Variants in IL7 observed in about 807,000 individuals in gnomAD.
IL7 encodes interleukin 7.
IL7 carries 3 observed loss-of-function variants against 21.6 expected under a neutral mutation model. The observed-to-expected ratio is 0.14, with a 90% CI of 0.06 to 0.36. IL7 has a LOEUF of 0.36. IL7 is among the 10% of genes least tolerant of loss of function. The pLI is 1.00. For missense variants in IL7, 175 were observed against 200.2 expected (o/e 0.87, Z 0.76); for synonymous variants, 62 against 68.1 (o/e 0.91, Z 0.44).
At chr8:78,742,605 A>G (rs1811829287) in intron 2 of IL7, among the ~76,000 whole-genome samples, 1 of 152,152 alleles carries the variant, frequency 6.6e-6, no homozygotes, top group Non-Finnish European at 1.5e-5. Context: ...TTACATACAA[A>G]TTCATTACAG....
intron 5 of IL7, chr8:78,720,976 G>C (rs1483764313): frequency 6.6e-6 from 1 of 151,832 alleles, no homozygotes; most frequent in Non-Finnish European, 1.5e-5. Context: ...TAAGTGGTTA[G>C]ATCAACTACT....
At chr8:78,735,826 G>T (rs1811574537) in intron 5 of IL7, among the ~76,000 whole-genome samples, 1 of 152,050 alleles carries the variant, frequency 6.6e-6, no homozygotes, top group Admixed American at 6.6e-5. Flanking sequence ...TATAAAAGAA[G>T]AATCCATCAC....
intron 3 of IL7, among the ~76,000 whole-genome samples, chr8:78,709,045 T>A (rs1170502665): frequency 6.6e-6 from 1 of 152,218 alleles, no homozygotes. Flanking sequence ...TTTCCCCATT[T>A]GAATTGTTCC....
chr8:78,796,968 A>G (rs951523013), intron 2 of IL7, among the ~76,000 whole-genome samples: 1 of 152,078 alleles, frequency 6.6e-6, no homozygotes, highest in African/African-American at 2.4e-5. Context: ...TAGAAGTTTT[A>G]TTCATAATTT....
At chr8:78,766,850 C>CTTT (rs1197852251) in intron 2 of IL7, among the ~76,000 whole-genome samples, 14 of 152,054 alleles carry the variant, frequency 9.2e-5, no homozygotes, top group Non-Finnish European at 1.8e-4. Flanking sequence ...GTGAGATTTG[C>CTTT]TGAATAAAAT....
chr8:78,758,106 A>G (rs539873437), intron 2 of IL7, among the ~76,000 whole-genome samples: 3 of 152,166 alleles, frequency 2.0e-5, no homozygotes, highest in Admixed American at 2.0e-4. Flanking sequence ...AGTCTCAGGT[A>G]TGTCTTTATT....
intron 3 of IL7, among the ~76,000 whole-genome samples, chr8:78,723,084 G>T (rs1811271244): frequency 1.3e-5 from 1 of 77,110 alleles, no homozygotes; most frequent in African/African-American, 4.0e-5. Flanking sequence ...TAAAAATATA[G>T]AAGTACAAAT....
At chr8:78,759,866 T>C (rs1251456212) in intron 2 of IL7, among the ~76,000 whole-genome samples, 1 of 152,140 alleles carries the variant, frequency 6.6e-6, no homozygotes, top group Non-Finnish European at 1.5e-5. Flanking sequence ...AAATGCTATG[T>C]CTAAAATGAC....
intron 2 of IL7, among the ~76,000 whole-genome samples, chr8:78,784,161 A>T (rs1488763346): frequency 1.3e-5 from 2 of 152,208 alleles, no homozygotes; most frequent in South Asian, 4.1e-4. Context: ...GGAGGTAATT[A>T]AGTCATGAAG....
At chr8:78,777,634 T>G (rs1333418146) in intron 2 of IL7, among the ~76,000 whole-genome samples, 2 of 152,126 alleles carry the variant, frequency 1.3e-5, no homozygotes, top group Non-Finnish European at 2.9e-5. Context: ...TAAAAATTAC[T>G]GATTGAATGA....
chr8:78,722,416 C>T (rs968303517), intron 3 of IL7, among the ~76,000 whole-genome samples: 1 of 151,650 alleles, frequency 6.6e-6, no homozygotes. Context: ...TTATTTTTTG[C>T]TTTCAATAAG....
chr8:78,790,477 G>A (rs2130827917), intron 2 of IL7, among the ~76,000 whole-genome samples: 1 of 151,984 alleles, frequency 6.6e-6, no homozygotes, highest in Non-Finnish European at 1.5e-5. Flanking sequence ...ATTAATTTAT[G>A]GTGTTGATTA....
At chr8:78,743,947 C>A (rs74197776) in intron 2 of IL7, among the ~76,000 whole-genome samples, 9,729 of 152,238 alleles carry the variant, frequency 0.064, 484 homozygotes, top group East Asian at 0.28. Context: ...TGGCAGCCTG[C>A]CACTTCTTCT....
chr8:78,678,616 T>A (rs151313589), intron 4 of IL7: 1 of 1,612,586 alleles, frequency 6.2e-7, no homozygotes, highest in Non-Finnish European at 8.5e-7. Flanking sequence ...GGAAGACTTT[T>A]GATTCAAGCA....
chr8:78,737,367 A>G (rs951060660), intron 4 of IL7, among the ~76,000 whole-genome samples: 1 of 152,140 alleles, frequency 6.6e-6, no homozygotes, highest in Non-Finnish European at 1.5e-5. Context: ...AACCGCTGTT[A>G]AGTAGGAATG....
intron 3 of IL7, among the ~76,000 whole-genome samples, chr8:78,699,150 C>T (rs1306204831): frequency 4.6e-5 from 7 of 152,062 alleles, no homozygotes; most frequent in Non-Finnish European, 7.4e-5. Flanking sequence ...ATGTTAGCTA[C>T]TGAACTCCAT....
At chr8:78,753,231 C>T (rs1245127917) in intron 2 of IL7, among the ~76,000 whole-genome samples, 3 of 152,332 alleles carry the variant, frequency 2.0e-5, no homozygotes, top group Middle Eastern at 3.4e-3. Context: ...TCTCCACATC[C>T]TCTCCAGCAT....
At chr8:78,749,553 C>T (rs1812099786) in intron 2 of IL7, among the ~76,000 whole-genome samples, 2 of 152,134 alleles carry the variant, frequency 1.3e-5, no homozygotes, top group South Asian at 2.1e-4. Context: ...CAGAAACCTC[C>T]ATAGCAACCA....
At chr8:78,798,934 A>G (rs1813959196) in intron 1 of IL7, among the ~76,000 whole-genome samples, 7 of 152,048 alleles carry the variant, frequency 4.6e-5, no homozygotes, top group Admixed American at 3.9e-4. Flanking sequence ...GATAGAAACC[A>G]ATGATTTCTA....
Sources: allele counts gnomAD v4.1 joint callset (sites outside exome capture counted in the v4.1 genomes callset), GRCh38; gene constraint gnomAD v4.1.1; transcripts MANE v1.5; gene names NCBI Gene and HGNC (gene_info 2026-07-23, HGNC 2026-07-21).